Variants in SI observed in about 807,000 individuals in gnomAD.
The protein encoded by SI is sucrase-isomaltase, intestinal.
In SI, 235 loss-of-function variants were observed where a neutral mutation model predicts 253.3. The observed-to-expected ratio is 0.93, with a 90% CI of 0.83 to 1.03. SI has a LOEUF of 1.03. Ranked by LOEUF, SI falls within the 50% of genes least tolerant of loss-of-function variation. The pLI, the probability that SI is intolerant of heterozygous loss-of-function variation, is 0.00. For synonymous variants in SI, 819 were observed against 712.0 expected, an observed-to-expected ratio of 1.15 and a Z score of -2.39; for missense variants, 2,442 against 2,211.1, an observed-to-expected ratio of 1.10 and a Z score of -2.09.
At chr3:165,048,537 T>C (rs550585535) in intron 15 of SI, among the ~76,000 whole-genome samples, 229 of 143,750 alleles carry the variant, frequency 1.6e-3, no homozygotes, top group African/African-American at 5.5e-3. Context: ...AAAAAGAGTC[T>C]TAGTTAAATA....
intron 47 of SI, among the ~76,000 whole-genome samples, chr3:164,980,510 C>T (rs1163970333): frequency 1.3e-5 from 2 of 151,932 alleles, no homozygotes; most frequent in African/African-American, 4.8e-5. Flanking sequence ...TGACCATCCT[C>T]TCTTCCTTTC....
At chr3:165,079,778 G>T (rs957958948), upstream of SI, among the ~76,000 whole-genome samples, 5 of 151,720 alleles carry the variant, frequency 3.3e-5, no homozygotes, top group Non-Finnish European at 7.4e-5. Flanking sequence ...ATTGGAAACT[G>T]AAACTACAAT....
intron 17 of SI, among the ~76,000 whole-genome samples, 167 bp downstream of exon 17, chr3:165,042,891 TA>T (rs1712917634): frequency 1.3e-5 from 2 of 152,194 alleles, no homozygotes; most frequent in African/African-American, 4.8e-5. Flanking sequence ...TTAAAAAATG[TA>T]AAAATATACA....
At chr3:165,040,204 G>T (rs755611489) in intron 18 of SI, among the ~76,000 whole-genome samples, 62 of 150,262 alleles carry the variant, frequency 4.1e-4, no homozygotes, top group Admixed American at 4.0e-4. Flanking sequence ...GAGGGAGAAA[G>T]GAAAAGGAAG....
At position 165,075,936 on chromosome 3, in the gene SI, G is replaced by A. The variant is rs1043151277; in HGVS notation, c.77C>T (p.Ala26Val). 4 of 1,600,970 alleles carry A rather than the reference G, an allele frequency of 2.5e-6. No individual in the cohort carries two copies. Among genetic ancestry groups the A allele is most frequent in the Non-Finnish European group, 3.4e-6 (4 of 1,169,900 alleles). ...LFVIVTIIAI[A>V]LIVVLATKTP... is the part of the protein sequence containing the mutation. ...CTTAGTTGCTAAAACAACAATTAAG[G>A]CAATAGCTATTATAGTAACTATGAC... Residue 26 changes from alanine to valine, a missense_variant, in exon 2 of 48, where the codon GCC (alanine) becomes GTC (valine). Coordinates refer to ENST00000264382, the MANE Select transcript of SI (RefSeq NM_001041.4).
chr3:165,006,781 A>C (rs1449357488), intron 37 of SI, 35 bp downstream of exon 37: 1 of 1,583,648 alleles, frequency 6.3e-7, no homozygotes, highest in Non-Finnish European at 8.7e-7. Flanking sequence ...CAAAGAATAA[A>C]AGAGTCAGAG....
chr3:164,985,699 GT>G (rs1366002351), intron 45 of SI, among the ~76,000 whole-genome samples: 15 of 152,066 alleles, frequency 9.9e-5, no homozygotes, highest in Admixed American at 9.8e-4. Flanking sequence ...TTTGATTAAA[GT>G]TTGTGTCAAC....
At chr3:164,996,808 T>C in intron 38 of SI, 36 bp from the exon 39 acceptor site, 1 of 888,082 alleles carries the variant, frequency 1.1e-6, no homozygotes, top group Non-Finnish European at 1.7e-6. Flanking sequence ...AGAAAGTTAT[T>C]ATTTCATATA....
rs1278893297 is a variant in SI, at chr3:165,030,559, A to G, written c.2892+153T>C. On this transcript the variant is annotated intron_variant, in intron 25 of 47. Transcript: ENST00000264382. ...GGATAATTAATTAAGATAAAAGTGAATTGCCTGTCAGAGATGCTAACTTCA... is the reference window on the plus strand; with the variant it reads ...GGATAATTAATTAAGATAAAAGTGAGTTGCCTGTCAGAGATGCTAACTTCA... 2.0e-5 allele frequency among the ~76,000 whole-genome samples: 3 copies of G among 150,978 alleles called. No individual in the cohort carries two copies. In the East Asian group the frequency reaches 5.8e-4, roughly 29 times the overall value.
intron 40 of SI, 67 bp downstream of exon 40, chr3:164,996,468 A>G: frequency 2.2e-6 from 2 of 903,082 alleles, no homozygotes; most frequent in Non-Finnish European, 3.8e-6. Flanking sequence ...CAAGCCATGT[A>G]CACTAAAGTA....
rs1717471465 is a variant in SI, at chr3:164,987,065, A to G, written c.5197+73T>C. On this transcript the variant is annotated intron_variant, in intron 45 of 47. Transcript: ENST00000264382. The stretch of plus-strand genomic sequence containing the variant: ...CTTTGTACTCAGCTTCCAAAGAACA[A>G]TAATAGATAACGTAAAAGTAATGTG... 3 of 1,178,342 alleles carry G rather than the reference A, an allele frequency of 2.5e-6. No homozygotes were observed. The East Asian group carries it at 7.1e-5, about 28-fold the overall frequency. The allele number at this position is 1,178,342 out of a possible 1,614,324, so 73.0% of individuals were successfully genotyped here.
Position 164,994,312 on chromosome 3 carries a change from G to C in SI, c.4786C>G (p.Gln1596Glu). 2 of 1,611,096 alleles carry C rather than the reference G, an allele frequency of 1.2e-6. No individual in the cohort carries two copies. The highest frequency in any genetic ancestry group is 1.7e-6 in the Non-Finnish European group (2 of 1,177,902). ...CCATTAGCATGAATTTCATGCATTT[G>C]TGTGTAAAAATAGGGCAATAAGGTG... ...RYTLLPYFYT[Q>E]MHEIHANGGT... The change falls in exon 41 of 48, where the codon CAA becomes GAA. Residue 1596 changes from glutamine to glutamate, a missense_variant. By Grantham distance (29) the Gln-to-Glu change is conservative (BLOSUM62 2). Transcript: ENST00000264382.
intron 17 of SI, among the ~76,000 whole-genome samples, chr3:165,042,158 A>C (rs891029857): frequency 8.5e-5 from 13 of 152,122 alleles, no homozygotes; most frequent in African/African-American, 2.9e-4. Context: ...ATTTTGGAGA[A>C]TACAAGTGAA....
Position 165,064,008 on chromosome 3 carries a change from C to T in SI, c.808-467G>A, listed in dbSNP as rs532335370. Among the ~76,000 whole-genome samples the T allele has an allele frequency of 9.9e-4, 150 of 151,008 alleles. 1 individual carries two copies. The highest frequency in any genetic ancestry group is 1.9e-3 in the Non-Finnish European group (129 of 67,744). On this transcript the variant is annotated intron_variant, in intron 7 of 47. Transcript: ENST00000264382. ...TCGCTTGAACCCAAGAGGCGGAGGT[C>T]GCAGTGATTTGAGATACCCTCACTG... is the stretch of plus-strand genomic sequence containing the variant.
In SI at chr3:165,034,307, CTACT is replaced by C. The variant is rs141986015; in HGVS notation, c.2516-867_2516-864del. On this transcript the variant is annotated intron_variant, in intron 22 of 47. Transcript: ENST00000264382. ...TGAATTATATTATTCATATTCTTAA[CTACT>C]TACTTATATGAAAGTAAGCTATTCA... Among the ~76,000 whole-genome samples the C allele has an allele frequency of 5.1e-4, 78 of 152,052 alleles. 1 individual carries two copies. The highest frequency in any genetic ancestry group is 1.7e-3 in the African/African-American group (69 of 41,522).
upstream of SI, among the ~76,000 whole-genome samples, chr3:165,079,996 A>ATTG (rs1715244857): frequency 6.6e-6 from 1 of 151,976 alleles, no homozygotes; most frequent in Non-Finnish European, 1.5e-5. Flanking sequence ...TGAAGTAAAT[A>ATTG]TAGACAAGCT....
chr3:165,033,673 T>G lies in SI; in HGVS notation c.2516-229A>C, dbSNP rs1437824408. Among the ~76,000 whole-genome samples the G allele has an allele frequency of 2.0e-5, 3 of 151,538 alleles. No homozygotes were observed. In the East Asian group the frequency reaches 5.8e-4, roughly 29 times the overall value. Reference sequence around the variant, plus strand: ...AATGAATACATATTTGCCTTGCTTATTTTTTCAAAGACTACCAAGGTATTT... The same window carrying G: ...AATGAATACATATTTGCCTTGCTTAGTTTTTCAAAGACTACCAAGGTATTT... On this transcript the variant is annotated intron_variant, in intron 22 of 47. Coordinates refer to ENST00000264382, the MANE Select transcript of SI (RefSeq NM_001041.4).
chr3:165,067,337 T>TA lies in SI; in HGVS notation c.635+2dup. 6.3e-7 allele frequency: 1 copy of TA among 1,599,776 alleles called. No homozygotes were observed. Among genetic ancestry groups the TA allele is most frequent in the Non-Finnish European group, 8.6e-7 (1 of 1,168,502 alleles). On this transcript the variant is annotated splice_region_variant and intron_variant, in intron 6 of 47. Transcript: ENST00000264382. ...TTATATAATTGTAAAATAATACACT[T>TA]ACAAAGTTTTACCGTTGCTTTTCCT...
intron 13 of SI, among the ~76,000 whole-genome samples, chr3:165,051,534 A>G (rs902724318): frequency 6.6e-6 from 1 of 152,090 alleles, no homozygotes; most frequent in East Asian, 1.9e-4. Context: ...AAATAAGTGT[A>G]GGTAAACTAC....
Sources: allele counts gnomAD v4.1 joint callset (sites outside exome capture counted in the v4.1 genomes callset), GRCh38; gene constraint gnomAD v4.1.1; transcripts MANE v1.5; gene names NCBI Gene and HGNC (gene_info 2026-07-23, HGNC 2026-07-21).